Variants in NUP133 observed in about 807,000 individuals in gnomAD.
NUP133 encodes nuclear pore complex protein Nup133.
Under a neutral mutation model 146.2 loss-of-function variants are expected in NUP133, and 66 were observed. That is an observed-to-expected ratio of 0.45 (90% confidence interval 0.37 to 0.55). NUP133 has a LOEUF of 0.55. NUP133 is among the 20% of genes least tolerant of loss of function. The pLI is 0.00. For missense variants in NUP133, 1,277 were observed against 1,374.8 expected, an observed-to-expected ratio of 0.93 and a Z score of 1.12; for synonymous variants, 521 against 498.8, an observed-to-expected ratio of 1.04 and a Z score of -0.59.
intron 5 of NUP133, among the ~76,000 whole-genome samples, chr1:229,498,795 A>C (rs1426384397): frequency 6.6e-6 from 1 of 152,140 alleles, no homozygotes; most frequent in African/African-American, 2.4e-5. Flanking sequence ...TGTAGCAGAA[A>C]AAAATTGCAT....
At chr1:229,459,700 T>C (rs1660650055) in intron 20 of NUP133, among the ~76,000 whole-genome samples, 1 of 152,222 alleles carries the variant, frequency 6.6e-6, no homozygotes, top group South Asian at 2.1e-4. Context: ...ATTTCCTTCT[T>C]TCTTAAGGCT....
At position 229,487,531 on chromosome 1, in the gene NUP133, T is replaced by G; in HGVS notation, c.1277A>C (p.Tyr426Ser). The change falls in exon 10 of 26, where the codon TAT becomes TCT. Residue 426 changes from tyrosine to serine, a missense_variant. Physicochemically the swap from Tyr to Ser is moderately radical, Grantham distance 144. Transcript: ENST00000261396. ...TTTCCCAGTTCCTGTGGAGCACACA[T>G]AGACAGCACTTTCGTTATACAGATA... ...TAYLYNESAV[Y>S]VCSTGTGKFS... The G allele has an allele frequency of 6.2e-7, 1 of 1,613,840 alleles. No individual in the cohort carries two copies. The highest frequency in any genetic ancestry group is 8.5e-7 in the Non-Finnish European group (1 of 1,179,846).
chr1:229,478,373 G>C (rs952100773), intron 12 of NUP133, among the ~76,000 whole-genome samples: 7 of 151,998 alleles, frequency 4.6e-5, no homozygotes, highest in African/African-American at 1.7e-4. Context: ...AGCAAGCAAT[G>C]ACACAGGTGA....
chr1:229,477,595 A>C lies in NUP133; in HGVS notation c.1756+2T>G. 6.2e-7 allele frequency: 1 copy of C among 1,602,754 alleles called. No individual in the cohort carries two copies. The highest frequency in any genetic ancestry group is 8.5e-7 in the Non-Finnish European group (1 of 1,173,714). ...ACCGTTCCATAATTGAAACATTCTT[A>C]CCCTCAGGGACAGACTCAGCCCACC... On this transcript the variant is annotated splice_donor_variant, in intron 13 of 25. Transcript: ENST00000261396. LOFTEE classifies it high-confidence loss of function.
At chr1:229,459,325 C>T (rs1366381821) in intron 20 of NUP133, among the ~76,000 whole-genome samples, 2 of 152,148 alleles carry the variant, frequency 1.3e-5, no homozygotes, top group Non-Finnish European at 2.9e-5. Flanking sequence ...GAATTCAAGA[C>T]CAGCCTGGGC....
rs1661286396 is a variant in NUP133, at chr1:229,484,046, T to C, written c.1592+8A>G. 1.9e-6 allele frequency: 3 copies of C among 1,579,702 alleles called. No homozygotes were observed. Among genetic ancestry groups the C allele is most frequent in the Non-Finnish European group, 2.6e-6 (3 of 1,150,656 alleles). On this transcript the variant is annotated splice_region_variant and intron_variant, in intron 12 of 25. Coordinates refer to ENST00000261396, the MANE Select transcript of NUP133 (RefSeq NM_018230.3). ...AAAATAATCCATAATTTAAAAAACA[T>C]GTTATACCTGCAGTATTGCAGAAAG...
Position 229,464,840 on chromosome 1 carries a change from T to C in NUP133, c.2335A>G (p.Ile779Val). Residue 779 changes from isoleucine to valine, a missense_variant, in exon 18 of 26, where the codon ATA (isoleucine) becomes GTA (valine). Physicochemically the swap from Ile to Val is conservative, Grantham distance 29 (BLOSUM62 3). Coordinates refer to ENST00000261396, the MANE Select transcript of NUP133 (RefSeq NM_018230.3). ...TTCAGGACAATCTCATGCTGGCGTA[T>C]TATTACCGTTCGGATGCCACCAGGA... The part of the protein sequence containing the change: ...SGPGGIRTVI[I>V]RQHEIVLKVA... 6.2e-7 allele frequency: 1 copy of C among 1,614,224 alleles called. No individual in the cohort carries two copies. Among genetic ancestry groups the C allele is most frequent in the Non-Finnish European group, 8.5e-7 (1 of 1,180,038 alleles).
intron 9 of NUP133, among the ~76,000 whole-genome samples, chr1:229,488,294 G>A (rs1661412839): frequency 6.6e-6 from 1 of 152,030 alleles, no homozygotes; most frequent in African/African-American, 2.4e-5. Context: ...AATATTCCCT[G>A]ATAAACAAAC....
chr1:229,446,518 A>G (rs1057470588), intron 24 of NUP133, among the ~76,000 whole-genome samples: 21 of 152,086 alleles, frequency 1.4e-4, no homozygotes, highest in Non-Finnish European at 2.5e-4. Context: ...AAAATAGGCC[A>G]GAAGATCGAG....
In NUP133 at chr1:229,473,039, G is replaced by A. The variant is rs114562115; in HGVS notation, c.1852-2235C>T. Among the ~76,000 whole-genome samples, 1,368 of 151,938 alleles carry A rather than the reference G, an allele frequency of 9.0e-3. 19 individuals are homozygous for A. The highest frequency in any genetic ancestry group is 0.031 in the African/African-American group (1,292 of 41,414). On this transcript the variant is annotated intron_variant, in intron 14 of 25. Coordinates refer to ENST00000261396, the MANE Select transcript of NUP133 (RefSeq NM_018230.3). ...AGCCTAGGCAAGAGGATCACTTGAG[G>A]CCAGGAATTTGAGACCAGCCTGGGC...
At chr1:229,483,983 A>G (rs1411531538) in intron 12 of NUP133, 71 bp downstream of exon 12, 3 of 1,085,956 alleles carry the variant, frequency 2.8e-6, no homozygotes, top group Admixed American at 2.0e-5. Flanking sequence ...CCACCAGTCA[A>G]TAAGTAGCAC....
rs545378403 is a variant in NUP133 at position 229,475,125 on chromosome 1, A to T, written c.1851+513T>A. ...ATAAATAAATAAATAAATAAATAAAACAAACAAACAAAACCCCAAGCAGGT... is the reference window on the plus strand; with the variant it reads ...ATAAATAAATAAATAAATAAATAAATCAAACAAACAAAACCCCAAGCAGGT... On this transcript the variant is annotated intron_variant, in intron 14 of 25. Coordinates refer to ENST00000261396, the MANE Select transcript of NUP133 (RefSeq NM_018230.3). 3.9e-3 allele frequency among the ~76,000 whole-genome samples: 572 copies of T among 146,196 alleles called. 3 individuals carry two copies. Among genetic ancestry groups the T allele is most frequent in the African/African-American group, 0.013 (537 of 40,370 alleles).
chr1:229,497,309 C>A (rs6704265), intron 6 of NUP133, among the ~76,000 whole-genome samples: 28,423 of 151,902 alleles, frequency 0.19, 2,868 homozygotes, highest in Middle Eastern at 0.25. Flanking sequence ...ATACCTGGGT[C>A]ACTGAAAAAA....
rs148318040 is a variant in NUP133 at position 229,484,782 on chromosome 1, A to G, written c.1501-637T>C. On this transcript the variant is annotated intron_variant, in intron 11 of 25. Coordinates refer to ENST00000261396, the MANE Select transcript of NUP133 (RefSeq NM_018230.3). ...ATAACAGTATTATAATAACCATACA[A>G]TTACAAAATAGATATTAATCCTTTT... 1.0e-3 allele frequency among the ~76,000 whole-genome samples: 153 copies of G among 152,320 alleles called. 1 individual carries two copies. The highest frequency in any genetic ancestry group is 4.4e-5 in the Non-Finnish European group (3 of 68,022).
chr1:229,441,991 C>A lies in NUP133; in HGVS notation c.3384G>T (p.Ala1128=). ...YLPEVKDLLQ[A]DQLGSLKSNP... ...TGGACTTTAAGCTTCCAAGCTGATC[C>A]GCTTGTAGCAGGTCTTTCACCTCCG... Residue 1128 remains alanine (A), a synonymous_variant, in exon 26 of 26, where the codon GCG becomes GCT. Transcript: ENST00000261396. 6.3e-7 allele frequency: 1 copy of A among 1,589,884 alleles called. No homozygotes were observed. Among genetic ancestry groups the A allele is most frequent in the Non-Finnish European group, 8.5e-7 (1 of 1,173,460 alleles).
Position 229,499,722 on chromosome 1 carries a change from C to T in NUP133, c.610G>A (p.Gly204Arg). ...AGGAAACTGTAAGTCTTATCACCTC[C>T]CGAATCTACAAAAGCCTCTGTGTAG... ...DTYTEAFVDS[G>R]GDKTYSFLTA... Residue 204 changes from glycine to arginine, a missense_variant, in exon 5 of 26, where the codon GGA becomes AGA. Physicochemically the swap from Gly to Arg is moderately radical, Grantham distance 125 (BLOSUM62 -2). This residue lies in a region of NUP133 where 319 missense variants were observed against 306.9 expected (regional missense o/e 1.04). Coordinates refer to ENST00000261396, the MANE Select transcript of NUP133 (RefSeq NM_018230.3). 1 of 1,614,138 alleles carries T rather than the reference C, an allele frequency of 6.2e-7. No homozygotes were observed. The highest frequency in any genetic ancestry group is 1.3e-5 in the African/African-American group (1 of 75,066).
At chr1:229,507,204 G>T (rs573854865) in intron 1 of NUP133, among the ~76,000 whole-genome samples, 1 of 152,124 alleles carries the variant, frequency 6.6e-6, no homozygotes, top group African/African-American at 2.4e-5. Context: ...ACTTTGAAAA[G>T]AACTTTTCAA....
intron 12 of NUP133, among the ~76,000 whole-genome samples, chr1:229,483,259 G>A (rs558687373): frequency 1.8e-4 from 27 of 152,048 alleles, no homozygotes; most frequent in African/African-American, 6.5e-4. Flanking sequence ...CACCATGCCC[G>A]GCTAATTATT....
intron 1 of NUP133, among the ~76,000 whole-genome samples, chr1:229,506,883 G>T (rs896503746): frequency 2.0e-5 from 3 of 149,498 alleles, no homozygotes; most frequent in African/African-American, 7.4e-5. Flanking sequence ...AACAGGTTAC[G>T]AGCATCAGCT....
Sources: allele counts gnomAD v4.1 joint callset (sites outside exome capture counted in the v4.1 genomes callset), GRCh38; gene constraint gnomAD v4.1.1; regional missense constraint gnomAD v4.1.1; transcripts MANE v1.5; gene names NCBI Gene and HGNC (gene_info 2026-07-23, HGNC 2026-07-21).